FSTL4: variants seen among roughly 807,000 people sequenced by gnomAD.
FSTL4 encodes the protein follistatin like 4, also known as follistatin-related protein 4.
Under a neutral mutation model 78.2 loss-of-function variants are expected in FSTL4, and 28 were observed. The ratio of observed to expected loss-of-function variants is 0.36; its 90% CI spans 0.27 to 0.49. The LOEUF (loss-of-function observed/expected upper bound fraction) is 0.49. FSTL4 is among the 20% of genes least tolerant of loss of function. The pLI, the probability that FSTL4 is intolerant of heterozygous loss-of-function variation, is 0.98. For missense variants in FSTL4, 922 were observed against 1,084.9 expected (o/e 0.85, Z 2.11); for synonymous variants, 422 against 440.5 (o/e 0.96, Z 0.53).
the FSTL4 span, among the ~76,000 whole-genome samples, chr5:133,655,536 T>G: frequency 6.6e-6 from 1 of 152,182 alleles, no homozygotes; most frequent in Non-Finnish European, 1.5e-5. Flanking sequence ...TAAACAAATG[T>G]CTCTTGAGTA....
rs1197293267 is a variant in FSTL4 at position 133,426,002 on chromosome 5, A to C, written c.161-25016T>G. ...TAGTCTTCCTGTCTAAGTGCTGGGGACCCCCCCTGAGCAAGACCCTTCTCT... is the reference window on the plus strand; with the variant it reads ...TAGTCTTCCTGTCTAAGTGCTGGGGCCCCCCCCTGAGCAAGACCCTTCTCT... On this transcript the variant is annotated intron_variant, in intron 3 of 15. Transcript: ENST00000265342. The surrounding 1 kb of genome is among the most constrained non-coding windows in gnomAD (Gnocchi z 5.0). Among the ~76,000 whole-genome samples, 1 of 151,080 alleles carries C rather than the reference A, an allele frequency of 6.6e-6. No homozygotes were observed. The highest frequency in any genetic ancestry group is 1.5e-5 in the Non-Finnish European group (1 of 67,766).
chr5:133,839,009 G>T, the FSTL4 span, among the ~76,000 whole-genome samples: 1 of 152,206 alleles, frequency 6.6e-6, no homozygotes, highest in African/African-American at 2.4e-5. Flanking sequence ...AAACAAGTCA[G>T]TCTGCCATTT....
At chr5:133,656,760 G>C in the FSTL4 span, among the ~76,000 whole-genome samples, 1 of 152,212 alleles carries the variant, frequency 6.6e-6, no homozygotes, top group Non-Finnish European at 1.5e-5. Context: ...GGGGATGCAG[G>C]AGAGTGACTT....
intron 6 of FSTL4, among the ~76,000 whole-genome samples, chr5:133,268,923 TG>T (rs1752700099): frequency 6.6e-6 from 1 of 152,160 alleles, no homozygotes; most frequent in African/African-American, 2.4e-5. Flanking sequence ...GGCTCGTGCC[TG>T]TAATCCCAGT....
chr5:133,287,698 C>G (rs1162722257), intron 6 of FSTL4, among the ~76,000 whole-genome samples: 1 of 152,226 alleles, frequency 6.6e-6, no homozygotes, highest in Non-Finnish European at 1.5e-5. Context: ...TCCCCACTGC[C>G]TCCTGCTGCC....
chr5:133,256,876 A>G (rs1752393330), intron 6 of FSTL4, among the ~76,000 whole-genome samples: 1 of 152,152 alleles, frequency 6.6e-6, no homozygotes, highest in Admixed American at 6.5e-5. Context: ...TTACTAGTTA[A>G]TTACCTGCGG....
intron 4 of FSTL4, among the ~76,000 whole-genome samples, chr5:133,400,021 A>C (rs558468182): frequency 7.2e-5 from 11 of 152,318 alleles, no homozygotes; most frequent in Non-Finnish European, 1.2e-4. Context: ...GGAGCCATTG[A>C]GCATTTTCTT....
chr5:133,565,551 C>T (rs1760007590), intron 3 of FSTL4, among the ~76,000 whole-genome samples: 1 of 152,200 alleles, frequency 6.6e-6, no homozygotes, highest in South Asian at 2.1e-4. Flanking sequence ...CTAGTACAAA[C>T]CCACAGTGTA....
At chr5:133,769,144 G>T in the FSTL4 span, among the ~76,000 whole-genome samples, 2 of 152,190 alleles carry the variant, frequency 1.3e-5, no homozygotes, top group Non-Finnish European at 2.9e-5. Context: ...ATTCGCCCAG[G>T]TACACATCAA....
intron 3 of FSTL4, among the ~76,000 whole-genome samples, chr5:133,480,610 G>C (rs980917263): frequency 6.6e-6 from 1 of 152,016 alleles, no homozygotes. Context: ...AGCTCCTGGA[G>C]AGAGGGTGAC....
chr5:133,466,933 TATGA>T (rs1319255667), intron 3 of FSTL4, among the ~76,000 whole-genome samples: 1 of 131,088 alleles, frequency 7.6e-6, no homozygotes, highest in Non-Finnish European at 1.6e-5. Flanking sequence ...TGTGTGAGAA[TATGA>T]GTGTGTGAGT....
chr5:133,413,929 T>A (rs1373442475), intron 3 of FSTL4, among the ~76,000 whole-genome samples: 1 of 152,060 alleles, frequency 6.6e-6, no homozygotes, highest in East Asian at 1.9e-4. Context: ...TATTTTTAAT[T>A]TTTAAAAAAT....
At chr5:133,692,165 G>C in the FSTL4 span, among the ~76,000 whole-genome samples, 2 of 152,156 alleles carry the variant, frequency 1.3e-5, no homozygotes, top group Admixed American at 1.3e-4. Flanking sequence ...CTGCCAGATG[G>C]ATAAGAGGGC....
chr5:133,393,248 C>T (rs367999446), intron 4 of FSTL4, among the ~76,000 whole-genome samples: 22 of 152,276 alleles, frequency 1.4e-4, no homozygotes, highest in Middle Eastern at 6.8e-3. Context: ...TAAAGATTCC[C>T]GTTTGTCCTT....
the FSTL4 span, among the ~76,000 whole-genome samples, chr5:133,761,873 G>A: frequency 3.2e-4 from 48 of 152,156 alleles, no homozygotes; most frequent in South Asian, 4.2e-4. Flanking sequence ...GTTATCCTCC[G>A]AGACCTCGAC....
intron 2 of FSTL4, among the ~76,000 whole-genome samples, chr5:133,590,381 G>A (rs1760598616): frequency 6.6e-6 from 1 of 152,142 alleles, no homozygotes; most frequent in Non-Finnish European, 1.5e-5. Flanking sequence ...ATCTAGCTGG[G>A]AGCAAAGCTG....
At chr5:133,625,513 G>A in the FSTL4 span, among the ~76,000 whole-genome samples, 1 of 150,108 alleles carries the variant, frequency 6.7e-6, no homozygotes, top group East Asian at 1.9e-4. Context: ...TTTTATTTTT[G>A]TCAGACTTTC....
intron 3 of FSTL4, among the ~76,000 whole-genome samples, chr5:133,446,422 C>T (rs974524692): frequency 6.6e-6 from 1 of 152,142 alleles, no homozygotes; most frequent in Admixed American, 6.5e-5. Context: ...TGCAACAGAG[C>T]GAGACTCTGT....
intron 4 of FSTL4, among the ~76,000 whole-genome samples, chr5:133,400,086 C>T (rs1012460194): frequency 6.6e-6 from 1 of 152,186 alleles, no homozygotes; most frequent in Non-Finnish European, 1.5e-5. Context: ...CAGCCATAGC[C>T]GCTGCCCTAA....
Sources: gnomAD v4.1 joint callset for allele counts (sites outside exome capture counted in the v4.1 genomes callset) on GRCh38, gnomAD v4.1.1 for gene constraint, Gnocchi (gnomAD v3.1) non-coding constraint, MANE v1.5 for transcripts, NCBI Gene and HGNC (gene_info 2026-07-23, HGNC 2026-07-21) for gene names.